PRKD1: variants seen among roughly 807,000 people sequenced by gnomAD.
The protein encoded by PRKD1 is serine/threonine-protein kinase D1.
A neutral mutation model predicts 95.9 loss-of-function variants in PRKD1; 63 were observed. The observed-to-expected ratio is 0.66, with a 90% CI of 0.54 to 0.81. PRKD1 has a LOEUF of 0.81. Among genes scored for constraint, PRKD1 ranks in the 30% least tolerant of loss-of-function variants. PRKD1 has a pLI of 0.00. For missense variants in PRKD1, 1,048 were observed against 1,165.3 expected, an observed-to-expected ratio of 0.90 and a Z score of 1.47; for synonymous variants, 425 against 423.1, an observed-to-expected ratio of 1.00 and a Z score of -0.05.
chr14:29,808,171 C>A (rs534291379), intron 1 of PRKD1, among the ~76,000 whole-genome samples: 16 of 152,040 alleles, frequency 1.1e-4, no homozygotes, highest in Non-Finnish European at 2.1e-4. Flanking sequence ...TCAAATCCTG[C>A]CACTGCTTTA....
At chr14:29,864,185 A>G (rs1237323753) in intron 1 of PRKD1, among the ~76,000 whole-genome samples, 11 of 152,156 alleles carry the variant, frequency 7.2e-5, no homozygotes, top group Non-Finnish European at 1.6e-4. Context: ...TGAATTCCAC[A>G]GGCAACATAT....
intron 1 of PRKD1, among the ~76,000 whole-genome samples, chr14:29,764,543 G>C (rs2139124135): frequency 6.6e-6 from 1 of 152,294 alleles, no homozygotes; most frequent in South Asian, 2.1e-4. Flanking sequence ...GCAGCAGTTT[G>C]ATGTCTGGTA....
chr14:29,826,844 C>CAT (rs1228527833), intron 1 of PRKD1, among the ~76,000 whole-genome samples: 925 of 28,656 alleles, frequency 0.032, 170 homozygotes, highest in Non-Finnish European at 0.044. Context: ...TATATACACA[C>CAT]ATATATATAT....
chr14:29,791,878 T>C (rs1430527633), intron 1 of PRKD1, among the ~76,000 whole-genome samples: 1 of 152,140 alleles, frequency 6.6e-6, no homozygotes, highest in Non-Finnish European at 1.5e-5. Context: ...CTGGAATATA[T>C]GACAGGTATT....
At chr14:29,860,515 C>T (rs1385924510) in intron 1 of PRKD1, among the ~76,000 whole-genome samples, 2 of 152,150 alleles carry the variant, frequency 1.3e-5, no homozygotes, top group Non-Finnish European at 2.9e-5. Context: ...TGAGATATCA[C>T]GTTAATTCAA....
intron 1 of PRKD1, among the ~76,000 whole-genome samples, chr14:29,737,328 CAAAAAAAAAAAAAAAAAAAA>C (rs796557046): frequency 2.9e-4 from 11 of 37,906 alleles, no homozygotes; most frequent in Non-Finnish European, 5.2e-4. Flanking sequence ...GACTCCGTCT[CAAAAAAAAAAAAAAAAAAAA>C]AAAAAAAAAA....
At chr14:29,634,771 C>T (rs561454703) in intron 7 of PRKD1, among the ~76,000 whole-genome samples, 12 of 152,164 alleles carry the variant, frequency 7.9e-5, no homozygotes, top group African/African-American at 2.2e-4. Flanking sequence ...CAGTGACTCA[C>T]ATCTGTAATC....
In PRKD1 at chr14:29,705,914, G is replaced by T. The variant is rs1885063902; in HGVS notation, c.403+19622C>A. 2.0e-5 allele frequency among the ~76,000 whole-genome samples: 3 copies of T among 152,024 alleles called. No homozygotes were observed. The South Asian group carries it at 6.2e-4, about 32-fold the overall frequency. ...TCTACTTTTGGCTATAATTAATAAT[G>T]CTACTATGAATATTTGTGTATAAAC... On this transcript the variant is annotated intron_variant, in intron 2 of 17. Coordinates refer to ENST00000331968, the MANE Select transcript of PRKD1 (RefSeq NM_002742.3).
chr14:29,635,202 T>C (rs1880288890), intron 7 of PRKD1, among the ~76,000 whole-genome samples: 1 of 152,188 alleles, frequency 6.6e-6, no homozygotes, highest in African/African-American at 2.4e-5. Flanking sequence ...TTTCCTATTA[T>C]AGGTACATTA....
chr14:29,783,585 A>G (rs1182603867), intron 1 of PRKD1, among the ~76,000 whole-genome samples: 2 of 152,220 alleles, frequency 1.3e-5, no homozygotes. Context: ...TACATTTACC[A>G]AAATAGCTAT....
At chr14:29,653,727 C>T (rs1881656649) in intron 4 of PRKD1, among the ~76,000 whole-genome samples, 1 of 151,796 alleles carries the variant, frequency 6.6e-6, no homozygotes, top group Admixed American at 6.6e-5. Flanking sequence ...TGAAAAAAAT[C>T]AATATGGGAA....
intron 2 of PRKD1, among the ~76,000 whole-genome samples, chr14:29,689,267 A>G (rs60680162): frequency 0.34 from 51,094 of 149,528 alleles, 8,877 homozygotes; most frequent in South Asian, 0.44. Context: ...CAAATTTACA[A>G]GAAAAAAAAA....
intron 2 of PRKD1, among the ~76,000 whole-genome samples, chr14:29,677,483 A>T (rs1264834043): frequency 6.6e-6 from 1 of 152,130 alleles, no homozygotes; most frequent in Non-Finnish European, 1.5e-5. Flanking sequence ...CAATATTTCT[A>T]CTTCATTTCA....
chr14:29,872,237 A>C (rs1242566459), intron 1 of PRKD1, among the ~76,000 whole-genome samples: 1 of 152,238 alleles, frequency 6.6e-6, no homozygotes, highest in Admixed American at 6.5e-5. Context: ...GCAATTAAAA[A>C]ACAGAAGCAT....
At chr14:29,862,609 C>CT in intron 1 of PRKD1, among the ~76,000 whole-genome samples, 1 of 152,290 alleles carries the variant, frequency 6.6e-6, no homozygotes, top group Non-Finnish European at 1.5e-5. Context: ...TTGCATTTCT[C>CT]TGATGATCAA....
At chr14:29,846,151 A>G (rs909478099) in intron 1 of PRKD1, among the ~76,000 whole-genome samples, 2 of 152,224 alleles carry the variant, frequency 1.3e-5, no homozygotes, top group Non-Finnish European at 2.9e-5. Flanking sequence ...ATCAACATTT[A>G]CTGATGTTAG....
At chr14:29,765,920 G>A (rs898038002) in intron 1 of PRKD1, among the ~76,000 whole-genome samples, 1 of 152,126 alleles carries the variant, frequency 6.6e-6, no homozygotes, top group Non-Finnish European at 1.5e-5. Context: ...CAGGAGAGCT[G>A]GCAATATTCC....
intron 1 of PRKD1, among the ~76,000 whole-genome samples, chr14:29,759,199 T>C (rs1472827127): frequency 6.6e-6 from 1 of 151,722 alleles, no homozygotes; most frequent in East Asian, 1.9e-4. Flanking sequence ...GTGGATTAGG[T>C]GCATAGGCAG....
intron 1 of PRKD1, among the ~76,000 whole-genome samples, chr14:29,746,499 C>T (rs1319554155): frequency 6.6e-6 from 1 of 150,760 alleles, no homozygotes; most frequent in African/African-American, 2.5e-5. Flanking sequence ...AAATATCCTT[C>T]TATTATTTAT....
Sources: gnomAD v4.1 joint callset for allele counts (sites outside exome capture counted in the v4.1 genomes callset) on GRCh38, gnomAD v4.1.1 for gene constraint, MANE v1.5 for transcripts, NCBI Gene and HGNC (gene_info 2026-07-23, HGNC 2026-07-21) for gene names.